Variants in DLGAP4 observed in about 807,000 individuals in gnomAD.
The protein encoded by DLGAP4 is disks large-associated protein 4.
Under a neutral mutation model 86.9 loss-of-function variants are expected in DLGAP4, and 18 were observed. The ratio of observed to expected loss-of-function variants is 0.21; its 90% confidence interval spans 0.14 to 0.31. The LOEUF is 0.31. Ranked by LOEUF, DLGAP4 falls within the 10% of genes least tolerant of loss-of-function variation. The pLI is 1.00. For missense variants in DLGAP4, 1,085 were observed against 1,362.6 expected (o/e 0.80, Z 3.21); for synonymous variants, 548 against 574.3 (o/e 0.95, Z 0.65).
At chr20:36,400,612 G>A (rs986210710) in intron 2 of DLGAP4, among the ~76,000 whole-genome samples, 3 of 152,058 alleles carry the variant, frequency 2.0e-5, no homozygotes, top group Admixed American at 2.0e-4. Context: ...GGTTGGATGG[G>A]GTTGGGAACA....
At chr20:36,368,426 T>TGAAG (rs1475449790) in intron 2 of DLGAP4, among the ~76,000 whole-genome samples, 1 of 152,254 alleles carries the variant, frequency 6.6e-6, no homozygotes, top group Non-Finnish European at 1.5e-5. Context: ...CTTTAACCCT[T>TGAAG]GAAGTTCACT....
chr20:36,483,531 A>C (rs77265627), intron 7 of DLGAP4, among the ~76,000 whole-genome samples: 2,807 of 152,302 alleles, frequency 0.018, 80 homozygotes, highest in African/African-American at 0.064. Context: ...TCTCAGAATA[A>C]CATGTGGGAA....
In DLGAP4 at chr20:36,527,266, CT is replaced by C. The variant is rs200995929; in HGVS notation, c.*244del. 130 of 432,430 alleles carry C rather than the reference CT, an allele frequency of 3.0e-4. No homozygotes were observed. The highest frequency in any genetic ancestry group is 4.9e-4 in the East Asian group (13 of 26,568). The allele number at this position is 432,430 out of a possible 1,614,324, so 26.8% of individuals were successfully genotyped here. On this transcript the variant is annotated 3_prime_UTR_variant, in exon 13 of 13. Coordinates refer to ENST00000339266, the MANE Select transcript of DLGAP4 (RefSeq NM_001365621.2). ...CAACAAAAATCACGAAACTAGAAAA[CT>C]TTTTTTTTCCTCTTGCTGGCCGTGG...
intron 2 of DLGAP4, among the ~76,000 whole-genome samples, chr20:36,404,331 AG>A (rs2032248918): frequency 6.6e-6 from 1 of 152,164 alleles, no homozygotes; most frequent in South Asian, 2.1e-4. Context: ...GGTGGAACTC[AG>A]GGGAAGGGCA....
At chr20:36,415,810 C>T (rs2032637217) in intron 2 of DLGAP4, among the ~76,000 whole-genome samples, 1 of 152,194 alleles carries the variant, frequency 6.6e-6, no homozygotes, top group East Asian at 1.9e-4. Flanking sequence ...GGGAGTGGCA[C>T]TGAAGCCTGG....
At chr20:36,374,100 A>ACTGAGCTT (rs1188761706) in intron 2 of DLGAP4, among the ~76,000 whole-genome samples, 2 of 151,876 alleles carry the variant, frequency 1.3e-5, no homozygotes, top group Non-Finnish European at 2.9e-5. Context: ...TCAGAAGCTC[A>ACTGAGCTT]CTGAGGCAGC....
intron 7 of DLGAP4, among the ~76,000 whole-genome samples, chr20:36,483,688 A>C (rs962221338): frequency 6.6e-6 from 1 of 152,204 alleles, no homozygotes; most frequent in African/African-American, 2.4e-5. Flanking sequence ...CTGGGAACCC[A>C]TGTGAGTGGT....
chr20:36,424,920 G>A (rs530983226), intron 2 of DLGAP4, among the ~76,000 whole-genome samples: 1 of 152,198 alleles, frequency 6.6e-6, no homozygotes, highest in African/African-American at 2.4e-5. Context: ...ATTTTTAGTA[G>A]AGATGGGGTT....
At chr20:36,461,392 C>A in intron 7 of DLGAP4, 23 of 939,770 alleles carry the variant, frequency 2.4e-5, no homozygotes, top group Non-Finnish European at 2.9e-5. Context: ...CCTGACGACG[C>A]GCGCGCGGCT....
intron 1 of DLGAP4, among the ~76,000 whole-genome samples, chr20:36,333,628 G>A (rs1555891800): frequency 6.6e-6 from 1 of 152,212 alleles, no homozygotes; most frequent in African/African-American, 2.4e-5. Context: ...GGATTCAAAT[G>A]TGTGGGTTGC....
rs1569496767 is a variant in DLGAP4 at position 36,431,150 on chromosome 20, TCCTCCC to T, written c.-72-495_-72-490del. On this transcript the variant is annotated intron_variant, in intron 2 of 12. Transcript: ENST00000339266. The surrounding 1 kb of genome is among the most constrained non-coding windows in gnomAD (Gnocchi z 5.1). ...GCCTGCCTCCAGGGCCAGCACAGGG[TCCTCCC>T]GTGGGAGGTGGACCCTGCCACAGGG... 1.3e-5 allele frequency among the ~76,000 whole-genome samples: 2 copies of T among 151,640 alleles called. No homozygotes were observed. Among genetic ancestry groups the T allele is most frequent in the African/African-American group, 4.9e-5 (2 of 41,228 alleles).
At chr20:36,380,556 C>G (rs976579067) in intron 2 of DLGAP4, among the ~76,000 whole-genome samples, 4 of 150,170 alleles carry the variant, frequency 2.7e-5, no homozygotes, top group Non-Finnish European at 5.9e-5. Context: ...CCACTACACT[C>G]CAGCCTGGAT....
chr20:36,382,691 G>A (rs562406733), intron 2 of DLGAP4, among the ~76,000 whole-genome samples: 15 of 151,580 alleles, frequency 9.9e-5, no homozygotes, highest in South Asian at 4.2e-4. Flanking sequence ...CACCACACCC[G>A]GCTAATTTTT....
At chr20:36,424,995 G>A (rs1040085054) in intron 2 of DLGAP4, among the ~76,000 whole-genome samples, 1 of 152,072 alleles carries the variant, frequency 6.6e-6, no homozygotes, top group African/African-American at 2.4e-5. Flanking sequence ...GAGCCACCAT[G>A]CCCAGCCTTA....
At chr20:36,324,206 C>T (rs1353602010) in intron 1 of DLGAP4, among the ~76,000 whole-genome samples, 2 of 152,040 alleles carry the variant, frequency 1.3e-5, no homozygotes, top group Non-Finnish European at 2.9e-5. Flanking sequence ...ATGGGAGGAT[C>T]ATTTGAGGTC....
chr20:36,506,165 T>C (rs1000778022), intron 10 of DLGAP4, among the ~76,000 whole-genome samples: 1 of 152,154 alleles, frequency 6.6e-6, no homozygotes, highest in Non-Finnish European at 1.5e-5. Context: ...GTAGCTGCTG[T>C]ATTGAGCACA....
At chr20:36,466,926 C>CTCTCTCTCTCTCTCTG (rs1555907403) in intron 7 of DLGAP4, among the ~76,000 whole-genome samples, 35 of 140,938 alleles carry the variant, frequency 2.5e-4, no homozygotes, top group Non-Finnish European at 4.6e-4. Context: ...CTCGCTCTTG[C>CTCTCTCTCTCTCTCTG]TCTCTCTCTC....
At chr20:36,523,172 C>T (rs1174483259) in intron 10 of DLGAP4, among the ~76,000 whole-genome samples, 1 of 152,182 alleles carries the variant, frequency 6.6e-6, no homozygotes, top group African/African-American at 2.4e-5. Flanking sequence ...ACAGCCTCTG[C>T]CTCCCAGGTA....
intron 7 of DLGAP4, among the ~76,000 whole-genome samples, chr20:36,447,954 T>G (rs1260165125): frequency 3.7e-5 from 5 of 133,904 alleles, no homozygotes; most frequent in South Asian, 2.5e-4. Flanking sequence ...ATCTAATGCA[T>G]GTGGGGTTTA....
Sources: allele counts gnomAD v4.1 joint callset (sites outside exome capture counted in the v4.1 genomes callset), GRCh38; gene constraint gnomAD v4.1.1; non-coding constraint Gnocchi (gnomAD v3.1); transcripts MANE v1.5; gene names NCBI Gene and HGNC (gene_info 2026-07-23, HGNC 2026-07-21).